TBC1D30: variants seen among roughly 807,000 people sequenced by gnomAD.
The protein encoded by TBC1D30 is TBC1 domain family member 30.
A neutral mutation model predicts 63.2 loss-of-function variants in TBC1D30; 31 were observed. That is an observed-to-expected ratio of 0.49 (90% CI 0.37 to 0.66). The LOEUF is 0.66. Ranked by LOEUF, TBC1D30 falls within the 30% of genes least tolerant of loss-of-function variation. TBC1D30 has a pLI of 0.00. For missense variants in TBC1D30, 810 were observed against 953.6 expected (o/e 0.85, Z 1.98); for synonymous variants, 307 against 361.5 (o/e 0.85, Z 1.71).
At chr12:64,784,693 C>T (rs1871460512) in intron 1 of TBC1D30, among the ~76,000 whole-genome samples, 2 of 151,602 alleles carry the variant, frequency 1.3e-5, no homozygotes, top group South Asian at 4.2e-4. Context: ...TTTGTTTTGA[C>T]CTATAGAAAA....
chr12:64,866,163 A>G (rs1487751145), intron 9 of TBC1D30, among the ~76,000 whole-genome samples: 1 of 152,220 alleles, frequency 6.6e-6, no homozygotes, highest in African/African-American at 2.4e-5. Flanking sequence ...CACTGTGCCC[A>G]GCCCGTAAAG....
intron 11 of TBC1D30, among the ~76,000 whole-genome samples, chr12:64,872,619 T>C (rs1417842486): frequency 6.6e-6 from 1 of 152,218 alleles, no homozygotes; most frequent in African/African-American, 2.4e-5. Flanking sequence ...GCTGAAATTA[T>C]ATGTTTCTAA....
In TBC1D30 at chr12:64,838,665, G is replaced by A; in HGVS notation, c.764-18G>A. The A allele has an allele frequency of 1.3e-6, 2 of 1,536,150 alleles. No homozygotes were observed. Among genetic ancestry groups the A allele is most frequent in the South Asian group, 1.2e-5 (1 of 84,002 alleles). On this transcript the variant is annotated intron_variant, in intron 6 of 11. Coordinates refer to ENST00000539867, the MANE Select transcript of TBC1D30 (RefSeq NM_015279.2). ...ATCATCAGTTCTGAAGGAATTGAAT[G>A]TGTTTGTTTTATTTCAGGTGGATAT...
At chr12:64,873,066 A>G (rs996093572) in intron 11 of TBC1D30, among the ~76,000 whole-genome samples, 6 of 152,164 alleles carry the variant, frequency 3.9e-5, no homozygotes, top group African/African-American at 1.4e-4. Flanking sequence ...GAGATGGTAT[A>G]TGATAGGATT....
intron 11 of TBC1D30, among the ~76,000 whole-genome samples, chr12:64,871,312 A>G (rs1878639958): frequency 1.3e-5 from 2 of 152,210 alleles, no homozygotes; most frequent in African/African-American, 4.8e-5. Context: ...ACTAAGAAGA[A>G]CACAATTATA....
At chr12:64,864,574 A>G in intron 8 of TBC1D30, 94 bp from the exon 9 acceptor site, 3 of 834,246 alleles carry the variant, frequency 3.6e-6, no homozygotes, top group East Asian at 2.7e-5. Flanking sequence ...GCCTCTTCAC[A>G]CTCGACTTCA....
In TBC1D30 at chr12:64,875,264, A is replaced by G; in HGVS notation, c.1762A>G (p.Thr588Ala). The G allele has an allele frequency of 6.5e-7, 1 of 1,536,284 alleles. No homozygotes were observed. Among genetic ancestry groups the G allele is most frequent in the Non-Finnish European group, 8.7e-7 (1 of 1,146,908 alleles). The change falls in exon 12 of 12, where the codon ACC (threonine) becomes GCC (alanine). Residue 588 changes from threonine (T) to alanine (A), a missense_variant. Thr to Ala is a moderately conservative substitution (Grantham distance 58, BLOSUM62 0). This residue lies in a region of TBC1D30 where 450 missense variants were observed against 473.0 expected (regional missense o/e 0.95). Transcript: ENST00000539867. ...RTKSHPGCGDTVGLIDEQNEA... is the reference protein window; with the variant it reads ...RTKSHPGCGDAVGLIDEQNEA... The stretch of plus-strand genomic sequence containing the variant: ...CAAGAGTCATCCGGGCTGTGGGGAC[A>G]CCGTAGGGCTGATAGATGAGCAGAA...
intron 2 of TBC1D30, among the ~76,000 whole-genome samples, chr12:64,815,522 T>C (rs1167802118): frequency 6.6e-6 from 1 of 152,186 alleles, no homozygotes; most frequent in Admixed American, 6.5e-5. Context: ...TTTAAATTTA[T>C]TGCAAAGTAA....
At chr12:64,822,894 C>G (rs1230025539), upstream of TBC1D30, among the ~76,000 whole-genome samples, 1 of 151,964 alleles carries the variant, frequency 6.6e-6, no homozygotes, top group Non-Finnish European at 1.5e-5. Context: ...CTGTCCCAAA[C>G]CTGGAATCAG....
chr12:64,764,054 T>C (rs1404857391), intron 1 of TBC1D30, among the ~76,000 whole-genome samples: 2 of 152,256 alleles, frequency 1.3e-5, no homozygotes, highest in African/African-American at 4.8e-5. Context: ...TGTTTTACTT[T>C]GTTGAATAAT....
intron 8 of TBC1D30, among the ~76,000 whole-genome samples, chr12:64,850,202 AT>A (rs1876748361): frequency 6.6e-6 from 1 of 152,188 alleles, no homozygotes; most frequent in South Asian, 2.1e-4. Context: ...TAAATATACA[AT>A]TGTGTCATCT....
Position 64,880,687 on chromosome 12 carries a change from A to T in TBC1D30, c.*4899A>T, listed in dbSNP as rs1879407311. The T allele has an allele frequency of 6.6e-6, 1 of 152,120 alleles. No homozygotes were observed. Among genetic ancestry groups the T allele is most frequent in the Non-Finnish European group, 1.5e-5 (1 of 68,028 alleles). The allele number at this position is 152,120 out of a possible 1,614,324, so 9.4% of individuals were successfully genotyped here. On this transcript the variant is annotated 3_prime_UTR_variant, in exon 12 of 12. Coordinates refer to ENST00000539867, the MANE Select transcript of TBC1D30 (RefSeq NM_015279.2). Reference sequence around the variant, plus strand: ...TCGTTTGCTCTGGTGAGACCAAATGACCTGCAAAGTGTCACTTGATTCCAT... The same window carrying T: ...TCGTTTGCTCTGGTGAGACCAAATGTCCTGCAAAGTGTCACTTGATTCCAT...
intron 1 of TBC1D30, among the ~76,000 whole-genome samples, chr12:64,763,580 T>G (rs1870596032): frequency 6.6e-6 from 1 of 152,010 alleles, no homozygotes; most frequent in Admixed American, 6.6e-5. Flanking sequence ...TTCTCATTCA[T>G]CTTTATCACT....
At chr12:64,862,892 G>T (rs940477385) in intron 8 of TBC1D30, among the ~76,000 whole-genome samples, 1 of 152,134 alleles carries the variant, frequency 6.6e-6, no homozygotes, top group African/African-American at 2.4e-5. Context: ...TAGAGTTAGG[G>T]CAATGCAGCT....
intron 2 of TBC1D30, among the ~76,000 whole-genome samples, chr12:64,807,957 G>A (rs534029692): frequency 1.6e-5 from 2 of 126,746 alleles, no homozygotes; most frequent in East Asian, 4.3e-4. Context: ...GTCTTCCTAT[G>A]TCTTCCAGGC....
At position 64,827,979 on chromosome 12, in the gene TBC1D30, A is replaced by G. The variant is rs1343275397; in HGVS notation, c.216+83A>G. 6.5e-6 allele frequency: 6 copies of G among 917,370 alleles called. No homozygotes were observed. In the East Asian group the frequency reaches 1.3e-4, roughly 21 times the overall value. The allele number at this position is 917,370 out of a possible 1,614,324, so 56.8% of individuals were successfully genotyped here. A position where few individuals can be genotyped will look rare whatever the true frequency, so the allele number is the denominator to read the frequency against. The stretch of plus-strand genomic sequence containing the variant: ...TATATTCTCAAAGTGGAAATAACGT[A>G]TTCTTTGATATGAATGTGAAGATGA... On this transcript the variant is annotated intron_variant, in intron 2 of 11. Transcript: ENST00000539867.
Position 64,831,372 on chromosome 12 carries a change from C to T in TBC1D30, c.409-747C>T, listed in dbSNP as rs534524193. On this transcript the variant is annotated intron_variant, in intron 4 of 11. Coordinates refer to ENST00000539867, the MANE Select transcript of TBC1D30 (RefSeq NM_015279.2). ...ATATTTGGAATTTTAGAATATGTTTCGCAGAGATGAAGTATCTCATATTTG... is the reference window on the plus strand; with the variant it reads ...ATATTTGGAATTTTAGAATATGTTTTGCAGAGATGAAGTATCTCATATTTG... Among the ~76,000 whole-genome samples the T allele has an allele frequency of 2.6e-5, 4 of 152,288 alleles. No homozygotes were observed. In the South Asian group the frequency reaches 8.3e-4, roughly 32 times the overall value.
intron 1 of TBC1D30, among the ~76,000 whole-genome samples, chr12:64,767,379 C>T (rs1870750531): frequency 6.6e-6 from 1 of 151,994 alleles, no homozygotes; most frequent in African/African-American, 2.4e-5. Context: ...CATAGCCTAC[C>T]ACAAGCTCAA....
At position 64,870,669 on chromosome 12, in the gene TBC1D30, C is replaced by A. The variant is rs1288482504; in HGVS notation, c.1359C>A (p.Ser453=). The A allele has an allele frequency of 1.3e-6, 2 of 1,536,120 alleles. No individual in the cohort carries two copies. Among genetic ancestry groups the A allele is most frequent in the East Asian group, 4.9e-5 (2 of 40,912 alleles). The change falls in exon 11 of 12, where the codon TCC becomes TCA. Residue 453 remains serine (S), a synonymous_variant. Transcript: ENST00000539867. ...IAELSPGAIN[S]CRSEYHAAFN... is the part of the protein sequence containing the mutation. ...AGCTGAGTCCAGGAGCAATCAATTC[C>A]TGTCGAAGTGAATACCATGCAGCTT... is the stretch of plus-strand genomic sequence containing the variant.
Sources: gnomAD v4.1 joint callset for allele counts (sites outside exome capture counted in the v4.1 genomes callset) on GRCh38, gnomAD v4.1.1 for gene constraint, gnomAD v4.1.1 regional missense constraint, MANE v1.5 for transcripts, NCBI Gene and HGNC (gene_info 2026-07-23, HGNC 2026-07-21) for gene names.